SLC24A2: variants seen among roughly 807,000 people sequenced by gnomAD.
SLC24A2 encodes sodium/potassium/calcium exchanger 2.
In SLC24A2, 36 loss-of-function variants were observed where a neutral mutation model predicts 62.0. The ratio of observed to expected loss-of-function variants is 0.58; its 90% CI spans 0.44 to 0.77. The LOEUF (loss-of-function observed/expected upper bound fraction) is 0.77. SLC24A2 is among the 30% of genes least tolerant of loss of function. The pLI, the probability that SLC24A2 is intolerant of heterozygous loss-of-function variation, is 0.00. For synonymous variants in SLC24A2, 358 were observed against 294.0 expected, an observed-to-expected ratio of 1.22 and a Z score of -2.23; for missense variants, 846 against 817.9, an observed-to-expected ratio of 1.03 and a Z score of -0.42.
the SLC24A2 span, among the ~76,000 whole-genome samples, chr9:19,951,395 T>G: frequency 2.0e-5 from 3 of 152,146 alleles, no homozygotes; most frequent in Admixed American, 6.6e-5. Flanking sequence ...TATGGCTTAG[T>G]GTTCGTACGT....
the SLC24A2 span, among the ~76,000 whole-genome samples, chr9:20,169,902 A>C: frequency 6.6e-6 from 1 of 152,032 alleles, no homozygotes; most frequent in Non-Finnish European, 1.5e-5. Flanking sequence ...CACTAGAGAA[A>C]GGCAAAGCCA....
the SLC24A2 span, chr9:19,928,325 T>C: frequency 6.6e-6 from 1 of 152,262 alleles, no homozygotes; most frequent in South Asian, 2.1e-4. Flanking sequence ...ACTGCAGGGT[T>C]TCTAGGAGAT....
At chr9:19,588,523 T>TG (rs1257977575) in intron 5 of SLC24A2, among the ~76,000 whole-genome samples, 2 of 152,198 alleles carry the variant, frequency 1.3e-5, no homozygotes, top group African/African-American at 2.4e-5. Flanking sequence ...ACCTCTACCA[T>TG]AACTGCACTC....
At chr9:20,196,234 T>A in the SLC24A2 span, among the ~76,000 whole-genome samples, 3 of 152,208 alleles carry the variant, frequency 2.0e-5, no homozygotes, top group Non-Finnish European at 2.9e-5. Flanking sequence ...TTTTACAGTT[T>A]ACCTTAGGGA....
chr9:20,126,444 C>T, the SLC24A2 span, among the ~76,000 whole-genome samples: 9 of 151,926 alleles, frequency 5.9e-5, no homozygotes, highest in Non-Finnish European at 1.2e-4. Flanking sequence ...CTAGTTTATC[C>T]ACGGCAATCA....
intron 2 of SLC24A2, among the ~76,000 whole-genome samples, chr9:19,660,272 T>C (rs535289042): frequency 2.4e-4 from 37 of 152,322 alleles, no homozygotes; most frequent in African/African-American, 7.5e-4. Flanking sequence ...CTCATTCATA[T>C]AAGCAGGTAT....
chr9:19,755,375 T>C (rs1311259761), intron 2 of SLC24A2, among the ~76,000 whole-genome samples: 1 of 152,184 alleles, frequency 6.6e-6, no homozygotes, highest in African/African-American at 2.4e-5. Context: ...GGACTGTTTA[T>C]CACATATAAG....
At chr9:19,929,999 TAA>T in the SLC24A2 span, 9 of 152,244 alleles carry the variant, frequency 5.9e-5, no homozygotes, top group African/African-American at 2.2e-4. Context: ...TGTTTTAAGC[TAA>T]GTGTTATTAC....
intron 5 of SLC24A2, among the ~76,000 whole-genome samples, chr9:19,586,819 T>C (rs1257677924): frequency 6.6e-6 from 1 of 152,164 alleles, no homozygotes; most frequent in African/African-American, 2.4e-5. Context: ...TTCAATCTCA[T>C]ATATACAGAT....
chr9:19,556,630 C>T (rs1222964436), intron 7 of SLC24A2, among the ~76,000 whole-genome samples: 3 of 152,158 alleles, frequency 2.0e-5, no homozygotes, highest in Non-Finnish European at 4.4e-5. Flanking sequence ...GAAGTTCTTA[C>T]ATCTCTCCCC....
intron 2 of SLC24A2, among the ~76,000 whole-genome samples, chr9:19,654,919 G>A (rs1452727260): frequency 2.0e-5 from 3 of 152,180 alleles, no homozygotes; most frequent in Non-Finnish European, 1.5e-5. Flanking sequence ...CAACATGCAT[G>A]TGAGTGATCA....
the SLC24A2 span, among the ~76,000 whole-genome samples, chr9:20,201,526 T>C: frequency 6.6e-6 from 1 of 152,118 alleles, no homozygotes; most frequent in East Asian, 1.9e-4. Flanking sequence ...AAGTGAGAGA[T>C]TGAGGAAGAA....
chr9:20,175,422 G>A, the SLC24A2 span, among the ~76,000 whole-genome samples: 10 of 152,064 alleles, frequency 6.6e-5, no homozygotes, highest in African/African-American at 2.2e-4. Context: ...GAGGTATAGA[G>A]AATGGTGATA....
At chr9:19,876,830 C>T in the SLC24A2 span, among the ~76,000 whole-genome samples, 4 of 151,932 alleles carry the variant, frequency 2.6e-5, no homozygotes, top group African/African-American at 9.7e-5. Context: ...TTGTGGTTCA[C>T]CAAAAATATT....
At chr9:20,069,527 C>T in the SLC24A2 span, among the ~76,000 whole-genome samples, 20 of 152,276 alleles carry the variant, frequency 1.3e-4, no homozygotes, top group Middle Eastern at 3.4e-3. Context: ...GGTCAACAAA[C>T]AGAACATTGC....
chr9:19,820,039 A>ACATATATATATATATATATGTG, the SLC24A2 span, among the ~76,000 whole-genome samples: 7 of 20,670 alleles, frequency 3.4e-4, 1 homozygote, highest in Non-Finnish European at 2.5e-3. Context: ...ATATATATAT[A>ACATATATATATATATATATGTG]TACATATATA....
chr9:19,532,036 G>A (rs1353979624), intron 8 of SLC24A2, among the ~76,000 whole-genome samples: 11 of 151,260 alleles, frequency 7.3e-5, no homozygotes, highest in Admixed American at 7.2e-4. Context: ...AATATGAAAT[G>A]GTGGAGTATT....
the SLC24A2 span, among the ~76,000 whole-genome samples, chr9:20,024,794 G>C: frequency 6.6e-6 from 1 of 152,138 alleles, no homozygotes; most frequent in Non-Finnish European, 1.5e-5. Flanking sequence ...CATAGAAGAG[G>C]ACTAGTCCCA....
the SLC24A2 span, among the ~76,000 whole-genome samples, chr9:19,949,300 T>C: frequency 6.6e-6 from 1 of 152,196 alleles, no homozygotes; most frequent in Admixed American, 6.5e-5. Context: ...GGCCCCCACC[T>C]TCCATTTAAT....
Sources: gnomAD v4.1 joint callset for allele counts (sites outside exome capture counted in the v4.1 genomes callset) on GRCh38, gnomAD v4.1.1 for gene constraint, MANE v1.5 for transcripts, NCBI Gene and HGNC (gene_info 2026-07-23, HGNC 2026-07-21) for gene names.